The following MARCHF8 variants were observed in gnomAD, a reference collection of about 807,000 sequenced individuals.
MARCHF8 encodes the protein membrane associated ring-CH-type finger 8.
In MARCHF8, 40 loss-of-function variants were observed where a neutral mutation model predicts 51.6. The observed-to-expected ratio is 0.77, with a 90% CI of 0.60 to 1.01. The LOEUF (loss-of-function observed/expected upper bound fraction) is 1.01, where lower values mean the gene tolerates loss of function less well. Among genes scored for constraint, MARCHF8 ranks in the 50% least tolerant of loss-of-function variants. The probability of loss-of-function intolerance (pLI) is 0.00; values close to 1 mark genes in which losing one functional copy is unlikely to be tolerated. For synonymous variants in MARCHF8, 263 were observed against 280.3 expected (o/e 0.94, Z 0.62); for missense variants, 685 against 708.6 (o/e 0.97, Z 0.38).
In MARCHF8 at chr10:45,457,948, C is replaced by T. The variant is rs899768917; in HGVS notation, c.*291G>A. ...CTTCCCTTGGGATTGGCATTTTATT[C>T]TCTCATTCAGCTCAAGACCATGGGC... On this transcript the variant is annotated 3_prime_UTR_variant, in exon 8 of 8. Transcript: ENST00000453424. 13 of 366,348 alleles carry T rather than the reference C, an allele frequency of 3.5e-5. No homozygotes were observed. The highest frequency in any genetic ancestry group is 5.8e-5 in the Non-Finnish European group (12 of 206,382). 22.7% of individuals were successfully genotyped at this position (366,348 alleles called of 1,614,324 possible).
At chr10:45,522,812 G>C (rs2043730085) in intron 2 of MARCHF8, among the ~76,000 whole-genome samples, 1 of 152,160 alleles carries the variant, frequency 6.6e-6, no homozygotes, top group Admixed American at 6.5e-5. Context: ...CTGGATGAAA[G>C]GGATGACAGT....
chr10:45,526,006 C>G (rs971953815), intron 2 of MARCHF8, among the ~76,000 whole-genome samples: 5 of 152,086 alleles, frequency 3.3e-5, no homozygotes, highest in Admixed American at 1.3e-4. Context: ...GTAGGGAAAT[C>G]TGAATAAAGC....
intron 2 of MARCHF8, among the ~76,000 whole-genome samples, chr10:45,499,104 CTCA>C (rs547333368): frequency 6.6e-5 from 10 of 152,134 alleles, no homozygotes; most frequent in Non-Finnish European, 1.3e-4. Context: ...TGTTCGGATC[CTCA>C]TCAACACATT....
chr10:45,513,228 AAAAT>A lies in MARCHF8; in HGVS notation c.102+19878_102+19881del, dbSNP rs1006736055. Among the ~76,000 whole-genome samples, 9 of 152,064 alleles carry A rather than the reference AAAAT, an allele frequency of 5.9e-5. 1 individual carries two copies. Among genetic ancestry groups the A allele is most frequent in the East Asian group, 1.9e-4 (1 of 5,202 alleles). On this transcript the variant is annotated intron_variant, in intron 2 of 7. Coordinates refer to ENST00000453424, the MANE Select transcript of MARCHF8 (RefSeq NM_001282866.2). Reference sequence around the variant, plus strand: ...ACACCCAAGAATGATCAATTAAAAAAAAATAAATAAAATAAAATAAAAAAGAAAT... The same window carrying A: ...ACACCCAAGAATGATCAATTAAAAAAAAATAAAATAAAATAAAAAAGAAAT...
At chr10:45,465,449 C>G (rs1412717368) in intron 3 of MARCHF8, among the ~76,000 whole-genome samples, 2 of 152,186 alleles carry the variant, frequency 1.3e-5, no homozygotes, top group Non-Finnish European at 2.9e-5. Context: ...GAGGCCTAGT[C>G]CCCACTCTTT....
chr10:45,591,041 C>T (rs921998905), intron 1 of MARCHF8, among the ~76,000 whole-genome samples: 1 of 152,156 alleles, frequency 6.6e-6, no homozygotes, highest in Non-Finnish European at 1.5e-5. Flanking sequence ...ATTCTCCCCA[C>T]CCTTGAGAAT....
intron 6 of MARCHF8, chr10:45,459,609 G>C (rs532390372): frequency 3.6e-4 from 221 of 616,046 alleles, no homozygotes; most frequent in Non-Finnish European, 4.3e-4. Context: ...CCAGGACCCA[G>C]GTACTACGTT....
At chr10:45,590,701 G>A (rs1212090588) in intron 1 of MARCHF8, among the ~76,000 whole-genome samples, 1 of 152,154 alleles carries the variant, frequency 6.6e-6, no homozygotes, top group Non-Finnish European at 1.5e-5. Context: ...ATTTTGGGGG[G>A]ATATACATAT....
At chr10:45,568,715 C>CAAAAA (rs71023130) in intron 1 of MARCHF8, among the ~76,000 whole-genome samples, 9 of 75,578 alleles carry the variant, frequency 1.2e-4, no homozygotes, top group African/African-American at 4.2e-4. Context: ...GAGACTGTTT[C>CAAAAA]AAAAAAAAAA....
intron 1 of MARCHF8, among the ~76,000 whole-genome samples, chr10:45,571,541 T>C (rs2044429398): frequency 7.2e-5 from 11 of 152,024 alleles, no homozygotes; most frequent in Admixed American, 6.6e-5. Context: ...CAAAGCCTGT[T>C]TGGTGGTCTC....
intron 1 of MARCHF8, among the ~76,000 whole-genome samples, chr10:45,583,214 G>A (rs2044574708): frequency 6.6e-6 from 1 of 152,120 alleles, no homozygotes; most frequent in African/African-American, 2.4e-5. Flanking sequence ...AGAAAAATAA[G>A]GGATCGGTAA....
chr10:45,492,113 T>C (rs1205258515), intron 2 of MARCHF8, among the ~76,000 whole-genome samples: 1 of 152,210 alleles, frequency 6.6e-6, no homozygotes, highest in Non-Finnish European at 1.5e-5. Context: ...ATATTTTACA[T>C]TGGTAAAACC....
intron 3 of MARCHF8, among the ~76,000 whole-genome samples, chr10:45,481,592 T>C (rs2042888029): frequency 1.3e-5 from 2 of 152,228 alleles, no homozygotes; most frequent in South Asian, 4.1e-4. Context: ...AGGGGAAACC[T>C]CTTTCGCTTG....
Position 45,463,598 on chromosome 10 carries a change from T to C in MARCHF8, c.641A>G (p.Lys214Arg), listed in dbSNP as rs556038535. 4 of 1,550,642 alleles carry C rather than the reference T, an allele frequency of 2.6e-6. No individual in the cohort carries two copies. Among genetic ancestry groups the C allele is most frequent in the Non-Finnish European group, 3.5e-6 (4 of 1,147,004 alleles). Reference protein sequence around the residue: ...TLNHKPLGNSKHSCVSCLSAG... With the variant: ...TLNHKPLGNSRHSCVSCLSAG... ...AGAAAGGCATGAAACACAAGAATGTTTGGAATTGCCAAGAGGTTTGTGGTT... is the reference window on the plus strand; with the variant it reads ...AGAAAGGCATGAAACACAAGAATGTCTGGAATTGCCAAGAGGTTTGTGGTT... The change falls in exon 5 of 8, where the codon AAA becomes AGA. Residue 214 changes from lysine to arginine, a missense_variant. Physicochemically the swap from Lys to Arg is conservative, Grantham distance 26. Transcript: ENST00000453424.
chr10:45,461,054 A>AAG (rs1259751843), intron 6 of MARCHF8, 177 bp downstream of exon 6: 1 of 439,674 alleles, frequency 2.3e-6, no homozygotes, highest in African/African-American at 2.0e-5. Context: ...TCTTCCTGAG[A>AAG]AGAGGGACTT....
intron 1 of MARCHF8, among the ~76,000 whole-genome samples, chr10:45,568,898 C>A (rs1014298426): frequency 6.6e-6 from 1 of 150,944 alleles, no homozygotes; most frequent in East Asian, 2.0e-4. Flanking sequence ...AAAACCCTGT[C>A]TCTACTAAAA....
At chr10:45,461,515 A>T (rs959421830) in intron 5 of MARCHF8, 104 bp from the exon 6 acceptor site, 1 of 954,528 alleles carries the variant, frequency 1.0e-6, no homozygotes, top group Non-Finnish European at 1.4e-6. Context: ...AGAAACGAAC[A>T]TTACAGAAGT....
At chr10:45,501,287 C>T (rs1298349961) in intron 2 of MARCHF8, among the ~76,000 whole-genome samples, 2 of 152,054 alleles carry the variant, frequency 1.3e-5, no homozygotes, top group African/African-American at 4.8e-5. Flanking sequence ...AACTAATATA[C>T]AGCCAGAGTA....
chr10:45,503,483 C>A (rs1032749531), intron 2 of MARCHF8, among the ~76,000 whole-genome samples: 1 of 151,758 alleles, frequency 6.6e-6, no homozygotes, highest in Non-Finnish European at 1.5e-5. Flanking sequence ...TTGCAGTGAG[C>A]CGAGATATCG....
Sources: allele counts gnomAD v4.1 joint callset (sites outside exome capture counted in the v4.1 genomes callset), GRCh38; gene constraint gnomAD v4.1.1; transcripts MANE v1.5; gene names NCBI Gene and HGNC (gene_info 2026-07-23, HGNC 2026-07-21).